The following HAGH variants were observed in gnomAD, a reference collection of about 807,000 sequenced individuals.
HAGH encodes the protein hydroxyacylglutathione hydrolase, mitochondrial.
A neutral mutation model predicts 35.1 loss-of-function variants in HAGH; 29 were observed. The observed-to-expected ratio is 0.83, with a 90% confidence interval of 0.62 to 1.13. The LOEUF (loss-of-function observed/expected upper bound fraction) is 1.13, where lower values mean the gene tolerates loss of function less well. Among genes scored for constraint, HAGH ranks in the 50% most tolerant of loss-of-function variants. The pLI is 0.00. For missense variants in HAGH, 478 were observed against 419.6 expected (o/e 1.14, Z -1.22); for synonymous variants, 225 against 176.1 (o/e 1.28, Z -2.20).
At position 1,822,141 on chromosome 16, in the gene HAGH, G is replaced by A. The variant is rs1898179290; in HGVS notation, c.314+159C>T. On this transcript the variant is annotated intron_variant, in intron 3 of 8. Coordinates refer to ENST00000397356, the MANE Select transcript of HAGH (RefSeq NM_005326.6). ...ACTGAGCACCAGACTTGCCCCTTGG[G>A]GGCTACGGTGAGTCCCGGGTCTTTC... 2.1e-5 allele frequency: 13 copies of A among 620,996 alleles called. No homozygotes were observed. The South Asian group carries it at 2.2e-4, about 10-fold the overall frequency. The allele number at this position is 620,996 out of a possible 1,614,324, so 38.5% of individuals were successfully genotyped here.
chr16:1,809,286 G>C lies in HAGH; in HGVS notation c.924C>G (p.Asp308Glu). The C allele has an allele frequency of 2.5e-6, 4 of 1,606,450 alleles. No homozygotes were observed. Among genetic ancestry groups the C allele is most frequent in the Non-Finnish European group, 3.4e-6 (4 of 1,174,158 alleles). The change falls in exon 9 of 9, where the codon GAC becomes GAG. Residue 308 changes from aspartate (D) to glutamate (E), a missense_variant. Transcript: ENST00000397356. ...CCGCTGAAGGTGCAGGGCGGCCTCA[G>C]TCCCGGGGCATCTTGAACTGGTCCT... The part of the protein sequence containing the change: ...REKDQFKMPR[D>E]
At chr16:1,826,340 G>A (rs1475623455) in intron 1 of HAGH, among the ~76,000 whole-genome samples, 2 of 150,316 alleles carry the variant, frequency 1.3e-5, no homozygotes, top group East Asian at 1.9e-4. Flanking sequence ...AGCAGGTGCG[G>A]GGTGGGCCAG....
chr16:1,813,852 CAT>C (rs909241776), intron 7 of HAGH, among the ~76,000 whole-genome samples: 3 of 152,204 alleles, frequency 2.0e-5, no homozygotes, highest in African/African-American at 4.8e-5. Flanking sequence ...CGTGGCAAGT[CAT>C]AGAGACCAAC....
intron 7 of HAGH, among the ~76,000 whole-genome samples, chr16:1,814,639 C>T (rs1897807290): frequency 6.6e-6 from 1 of 152,084 alleles, no homozygotes; most frequent in African/African-American, 2.4e-5. Context: ...GTGGGTCACG[C>T]CTGTAATCCC....
chr16:1,816,209 A>C (rs942697206), intron 7 of HAGH, among the ~76,000 whole-genome samples: 2 of 141,308 alleles, frequency 1.4e-5, no homozygotes, highest in Non-Finnish European at 3.1e-5. Context: ...GTCTCAAAAA[A>C]AAATTAAAAA....
chr16:1,822,762 C>T (rs988226440), intron 2 of HAGH, 103 bp downstream of exon 2: 1 of 981,804 alleles, frequency 1.0e-6, no homozygotes, highest in Non-Finnish European at 1.6e-6. Flanking sequence ...TTCCATTTAG[C>T]TTAGGCAAAG....
In HAGH at chr16:1,811,573, C is replaced by G. The variant is rs145038638; in HGVS notation, c.748-1740G>C. On this transcript the variant is annotated intron_variant, in intron 7 of 8. Transcript: ENST00000397356. ...ACTAAAAATACAAAAATTAGCCAGA[C>G]GTGGTGGCACATGTCTGTAATTCCA... Among the ~76,000 whole-genome samples, 936 of 151,632 alleles carry G rather than the reference C, an allele frequency of 6.2e-3. 3 individuals are homozygous for G. Among genetic ancestry groups the G allele is most frequent in the Non-Finnish European group, 0.011 (719 of 67,922 alleles).
At chr16:1,810,837 C>A (rs970419710) in intron 7 of HAGH, 1 of 152,196 alleles carries the variant, frequency 6.6e-6, no homozygotes, top group Non-Finnish European at 1.5e-5. Flanking sequence ...CTGCACCAAG[C>A]GGGGGTCTGG....
chr16:1,822,674 T>C (rs775000308), intron 2 of HAGH, among the ~76,000 whole-genome samples, 191 bp downstream of exon 2: 2 of 152,246 alleles, frequency 1.3e-5, no homozygotes, highest in Non-Finnish European at 2.9e-5. Flanking sequence ...AGGATTGTAC[T>C]GCACAGCGCT....
Position 1,817,283 on chromosome 16 carries a change from G to A in HAGH, c.542-12C>T. The A allele has an allele frequency of 6.4e-7, 1 of 1,572,702 alleles. No homozygotes were observed. The highest frequency in any genetic ancestry group is 2.2e-5 in the East Asian group (1 of 44,674). On this transcript the variant is annotated splice_polypyrimidine_tract_variant and intron_variant, in intron 5 of 8. Coordinates refer to ENST00000397356, the MANE Select transcript of HAGH (RefSeq NM_005326.6). ...AAACAAGGTGTCACCTGGAAACAAG[G>A]ACAGCCACGAGGTGGGGGCCACTTG... is the stretch of plus-strand genomic sequence containing the variant.
chr16:1,826,557 C>A, intron 1 of HAGH, 155 bp downstream of exon 1: 3 of 982,542 alleles, frequency 3.1e-6, no homozygotes, highest in Non-Finnish European at 2.4e-6. Context: ...CCAGCCTCAG[C>A]GCCTGCGCCG....
In HAGH at chr16:1,823,230, G is replaced by C. The variant is rs971726162; in HGVS notation, c.77-193C>G. ...GAGGACTGCTTGAGGGCAGGAGTTT[G>C]AGACCAGCCTGGGCAACATAGCAAG... On this transcript the variant is annotated intron_variant, in intron 1 of 8. Transcript: ENST00000397356. Among the ~76,000 whole-genome samples, 10 of 152,176 alleles carry C rather than the reference G, an allele frequency of 6.6e-5. No homozygotes were observed. In the South Asian group the frequency reaches 8.3e-4, roughly 13 times the overall value.
In HAGH at chr16:1,817,206, C is replaced by CT. The variant is rs756287813; in HGVS notation, c.606dup (p.Ala203SerfsTer84). On this transcript the variant is annotated frameshift_variant, in exon 6 of 9. Transcript: ENST00000397356. LOFTEE classifies it high-confidence loss of function. ...AGCCGGCCCAAGACCTCCAGCAGAG[C>CT]TTTACACATCTCATCCGCAGTCCCT... is the stretch of plus-strand genomic sequence containing the variant. The CT allele has an allele frequency of 4.3e-6, 7 of 1,613,354 alleles. No homozygotes were observed. The African/African-American group carries it at 9.3e-5, about 22-fold the overall frequency.
At chr16:1,822,266 G>C in intron 3 of HAGH, 34 bp downstream of exon 3, 1 of 1,467,612 alleles carries the variant, frequency 6.8e-7, no homozygotes, top group East Asian at 2.3e-5. Context: ...AAGTGAGCCA[G>C]GTCCCACACC....
In HAGH at chr16:1,817,009, G is replaced by A. The variant is rs1430530422; in HGVS notation, c.646-15C>T. ...CAGTAGACTCTCTGAGGAGAGAGGT[G>A]ACAGGTGAGCTCGGAAGGCTGTTAC... On this transcript the variant is annotated splice_polypyrimidine_tract_variant and intron_variant, in intron 6 of 8. Coordinates refer to ENST00000397356, the MANE Select transcript of HAGH (RefSeq NM_005326.6). 1.9e-6 allele frequency: 3 copies of A among 1,568,230 alleles called. No homozygotes were observed. Among genetic ancestry groups the A allele is most frequent in the Admixed American group, 1.7e-5 (1 of 59,946 alleles).
chr16:1,820,211 G>A lies in HAGH; in HGVS notation c.315-197C>T, dbSNP rs192271501. Among the ~76,000 whole-genome samples the A allele has an allele frequency of 2.6e-3, 398 of 151,958 alleles. 1 individual carries two copies. The highest frequency in any genetic ancestry group is 9.0e-3 in the African/African-American group (372 of 41,324). On this transcript the variant is annotated intron_variant, in intron 3 of 8. Transcript: ENST00000397356. ...TGGATGATCCTGTGGCCAGGGTTCC[G>A]AGCGTGGGGGCCTGGGGTTACCACC...
chr16:1,809,149 G>A lies in HAGH; in HGVS notation c.*134C>T, dbSNP rs1057071. 479,532 of 644,902 alleles carry A rather than the reference G, an allele frequency of 0.74. 179,179 individuals carry two copies. Among genetic ancestry groups the A allele is most frequent in the Middle Eastern group, 0.8 (3,058 of 3,800 alleles). 39.9% of individuals were successfully genotyped at this position (644,902 alleles called of 1,614,324 possible). ...AAACTTCTCTTATAAATATGCATTA[G>A]AATGTCCGATAACACAAGCCAAGGG... On this transcript the variant is annotated 3_prime_UTR_variant, in exon 9 of 9. Coordinates refer to ENST00000397356, the MANE Select transcript of HAGH (RefSeq NM_005326.6).
upstream of HAGH, chr16:1,827,193 C>G: frequency 6.4e-7 from 1 of 1,565,926 alleles, no homozygotes; most frequent in Non-Finnish European, 8.7e-7. Flanking sequence ...TAGGCATCAG[C>G]TGACCGGCCC....
At chr16:1,815,645 G>A (rs748217852) in intron 7 of HAGH, among the ~76,000 whole-genome samples, 41 of 152,216 alleles carry the variant, frequency 2.7e-4, no homozygotes, top group Non-Finnish European at 7.3e-5. Context: ...GTAGTGGTAA[G>A]TTCCACATCT....
Sources: gnomAD v4.1 joint callset for allele counts (sites outside exome capture counted in the v4.1 genomes callset) on GRCh38, gnomAD v4.1.1 for gene constraint, MANE v1.5 for transcripts, NCBI Gene and HGNC (gene_info 2026-07-23, HGNC 2026-07-21) for gene names.